The following ADAM18 variants were observed in gnomAD, a reference collection of about 807,000 sequenced individuals.
ADAM18 encodes disintegrin and metalloproteinase domain-containing protein 18.
A neutral mutation model predicts 94.4 loss-of-function variants in ADAM18; 117 were observed. That is an observed-to-expected ratio of 1.24 (90% CI 1.07 to 1.45). The LOEUF (loss-of-function observed/expected upper bound fraction) is 1.45, where lower values mean the gene tolerates loss of function less well. Among genes scored for constraint, ADAM18 ranks in the 40% most tolerant of loss-of-function variants. The pLI, the probability that ADAM18 is intolerant of heterozygous loss-of-function variation, is 0.00. For synonymous variants in ADAM18, 327 were observed against 291.6 expected, an observed-to-expected ratio of 1.12 and a Z score of -1.24; for missense variants, 936 against 880.0, an observed-to-expected ratio of 1.06 and a Z score of -0.81.
chr8:39,632,270 T>G (rs886910996), intron 7 of ADAM18, among the ~76,000 whole-genome samples: 1 of 152,080 alleles, frequency 6.6e-6, no homozygotes, highest in Middle Eastern at 3.2e-3. Context: ...CAATGTTAAA[T>G]AGACTGATGT....
At chr8:39,693,005 A>G (rs1821823286) in intron 17 of ADAM18, among the ~76,000 whole-genome samples, 1 of 151,640 alleles carries the variant, frequency 6.6e-6, no homozygotes, top group African/African-American at 2.4e-5. Context: ...TGAGTATACA[A>G]TATTTTACAG....
At chr8:39,695,849 T>C (rs1821909521) in intron 17 of ADAM18, among the ~76,000 whole-genome samples, 1 of 151,426 alleles carries the variant, frequency 6.6e-6, no homozygotes, top group South Asian at 2.1e-4. Flanking sequence ...CTTCTGGCTG[T>C]TGTAAATAAT....
intron 18 of ADAM18, among the ~76,000 whole-genome samples, chr8:39,710,033 G>A (rs1055841362): frequency 6.6e-6 from 1 of 152,156 alleles, no homozygotes; most frequent in Non-Finnish European, 1.5e-5. Flanking sequence ...GGGTATCAGG[G>A]AATGGTCATA....
At chr8:39,708,140 A>C (rs905849239) in intron 18 of ADAM18, among the ~76,000 whole-genome samples, 1 of 152,170 alleles carries the variant, frequency 6.6e-6, no homozygotes, top group African/African-American at 2.4e-5. Flanking sequence ...AAACTTATGA[A>C]TTGTTGATTT....
At chr8:39,610,115 C>T (rs996478254) in intron 5 of ADAM18, among the ~76,000 whole-genome samples, 10 of 152,130 alleles carry the variant, frequency 6.6e-5, no homozygotes, top group Admixed American at 6.5e-4. Context: ...GTCACATCAA[C>T]TCAGAAACTT....
chr8:39,614,866 C>G (rs1181525542), intron 6 of ADAM18, among the ~76,000 whole-genome samples: 1 of 152,144 alleles, frequency 6.6e-6, no homozygotes, highest in African/African-American at 2.4e-5. Context: ...ACAAAGAGCA[C>G]TGCATAGTGA....
In ADAM18 at chr8:39,687,271, G is replaced by A. The variant is rs776650114; in HGVS notation, c.1822-5329G>A. Among the ~76,000 whole-genome samples, 3 of 152,086 alleles carry A rather than the reference G, an allele frequency of 2.0e-5. No homozygotes were observed. The East Asian group carries it at 5.8e-4, about 29-fold the overall frequency. On this transcript the variant is annotated intron_variant, in intron 16 of 19. Transcript: ENST00000265707. ...ACGCATACTTAAATGGCCATGCATG[G>A]CACTTTATTCTGTTTCCTAAAATTA...
intron 2 of ADAM18, among the ~76,000 whole-genome samples, chr8:39,601,553 G>C (rs1818904102): frequency 6.6e-6 from 1 of 151,616 alleles, no homozygotes; most frequent in African/African-American, 2.4e-5. Context: ...TTTATGATTA[G>C]CATTTGGATG....
At chr8:39,710,089 A>G (rs940435785) in intron 18 of ADAM18, among the ~76,000 whole-genome samples, 17 of 152,232 alleles carry the variant, frequency 1.1e-4, no homozygotes, top group African/African-American at 4.1e-4. Flanking sequence ...TCATGGGATG[A>G]TACAGTTGTG....
chr8:39,609,184 C>A, intron 4 of ADAM18, 64 bp downstream of exon 4: 4 of 1,096,050 alleles, frequency 3.6e-6, no homozygotes, highest in Non-Finnish European at 1.3e-6. Context: ...GAATGTGTTT[C>A]ATGTTGACAG....
intron 15 of ADAM18, among the ~76,000 whole-genome samples, chr8:39,679,302 T>A (rs1231766450): frequency 1.3e-5 from 2 of 152,196 alleles, no homozygotes; most frequent in Non-Finnish European, 2.9e-5. Flanking sequence ...TCATTGAGGA[T>A]GAACTTTGAT....
intron 14 of ADAM18, among the ~76,000 whole-genome samples, chr8:39,676,946 A>T (rs1821318494): frequency 6.6e-6 from 1 of 152,204 alleles, no homozygotes; most frequent in Non-Finnish European, 1.5e-5. Context: ...AAAATGTAAC[A>T]TTGGTCCAAT....
intron 2 of ADAM18, among the ~76,000 whole-genome samples, chr8:39,605,339 A>G (rs1428160100): frequency 6.6e-6 from 1 of 152,172 alleles, no homozygotes. Flanking sequence ...GGATGCCATC[A>G]CAATAGGATC....
At chr8:39,660,145 T>C (rs183735755) in intron 12 of ADAM18, among the ~76,000 whole-genome samples, 43 of 151,016 alleles carry the variant, frequency 2.8e-4, no homozygotes, top group Middle Eastern at 3.4e-3. Flanking sequence ...CAAAAGAAAA[T>C]CACCAAATCA....
chr8:39,631,350 TA>T (rs1377665461), intron 7 of ADAM18, among the ~76,000 whole-genome samples: 1 of 152,010 alleles, frequency 6.6e-6, no homozygotes, highest in Non-Finnish European at 1.5e-5. Flanking sequence ...TTTTATGGTA[TA>T]TTTTTAATTG....
chr8:39,660,414 T>C (rs750530292), intron 12 of ADAM18, among the ~76,000 whole-genome samples: 2 of 152,156 alleles, frequency 1.3e-5, no homozygotes, highest in Non-Finnish European at 2.9e-5. Flanking sequence ...AGACTATATT[T>C]CATGCACATA....
chr8:39,638,005 C>A (rs1051443414), intron 9 of ADAM18, among the ~76,000 whole-genome samples: 1 of 151,722 alleles, frequency 6.6e-6, no homozygotes. Flanking sequence ...GATGTAAAAA[C>A]GGAGACTATT....
At chr8:39,668,264 C>A in intron 14 of ADAM18, 68 bp downstream of exon 14, 1 of 1,434,930 alleles carries the variant, frequency 7.0e-7, no homozygotes, top group Non-Finnish European at 9.7e-7. Context: ...CATTATGTAC[C>A]ACACAACTCT....
In ADAM18 at chr8:39,691,884, TA is replaced by T. The variant is rs200957799; in HGVS notation, c.1822-713del. 7.7e-3 allele frequency among the ~76,000 whole-genome samples: 1,171 copies of T among 152,098 alleles called. 23 individuals carry two copies. Among genetic ancestry groups the T allele is most frequent in the African/African-American group, 0.027 (1,107 of 41,552 alleles). Reference sequence around the variant, plus strand: ...GTTGACATATGCAACTTATAATCTATAAATTGGTTTTATGCAGATTTGAGGA... The same window carrying T: ...GTTGACATATGCAACTTATAATCTATAATTGGTTTTATGCAGATTTGAGGA... On this transcript the variant is annotated intron_variant, in intron 16 of 19. Transcript: ENST00000265707.
Sources: allele counts gnomAD v4.1 joint callset (sites outside exome capture counted in the v4.1 genomes callset), GRCh38; gene constraint gnomAD v4.1.1; transcripts MANE v1.5; gene names NCBI Gene and HGNC (gene_info 2026-07-23, HGNC 2026-07-21).